Variants in MECOM observed in about 807,000 individuals in gnomAD.
MECOM encodes the protein MDS1 and EVI1 complex locus.
MECOM carries 13 observed loss-of-function variants against 116.3 expected under a neutral mutation model. The observed-to-expected ratio is 0.11, with a 90% CI of 0.07 to 0.18. The LOEUF (loss-of-function observed/expected upper bound fraction) is 0.18, where lower values mean the gene tolerates loss of function less well. Among genes scored for constraint, MECOM ranks in the 10% least tolerant of loss-of-function variants. MECOM has a pLI of 1.00. For missense variants in MECOM, 1,299 were observed against 1,509.0 expected, an observed-to-expected ratio of 0.86 and a Z score of 2.31; for synonymous variants, 528 against 535.2, an observed-to-expected ratio of 0.99 and a Z score of 0.19.
chr3:169,481,929 G>T (rs1751350754), intron 1 of MECOM, among the ~76,000 whole-genome samples: 1 of 152,098 alleles, frequency 6.6e-6, no homozygotes, highest in Non-Finnish European at 1.5e-5. Context: ...GTTTTCATTT[G>T]TTTCTTCTTT....
intron 2 of MECOM, among the ~76,000 whole-genome samples, chr3:169,205,584 C>T (rs967116526): frequency 6.6e-6 from 1 of 152,096 alleles, no homozygotes; most frequent in Non-Finnish European, 1.5e-5. Context: ...GAGACGTCAA[C>T]TCTAGGATGG....
chr3:169,443,699 T>C (rs1471833619), intron 1 of MECOM, among the ~76,000 whole-genome samples: 1 of 152,224 alleles, frequency 6.6e-6, no homozygotes, highest in Non-Finnish European at 1.5e-5. Flanking sequence ...CTCCTGTCAA[T>C]ACTCTTCCGC....
chr3:169,138,686 C>G (rs1022536065), intron 3 of MECOM, among the ~76,000 whole-genome samples: 1 of 152,052 alleles, frequency 6.6e-6, no homozygotes, highest in Non-Finnish European at 1.5e-5. Context: ...TGGACAGATA[C>G]CCTTGTAAAG....
intron 1 of MECOM, among the ~76,000 whole-genome samples, chr3:169,591,219 A>G (rs1342873060): frequency 1.3e-5 from 2 of 152,238 alleles, no homozygotes; most frequent in Non-Finnish European, 2.9e-5. Flanking sequence ...CTGGGAATCA[A>G]TAACAGAATC....
intron 2 of MECOM, among the ~76,000 whole-genome samples, chr3:169,366,424 G>A (rs950626695): frequency 1.3e-5 from 2 of 151,818 alleles, no homozygotes; most frequent in Non-Finnish European, 2.9e-5. Flanking sequence ...TTCAAAGCCA[G>A]GTAACCTGCT....
At chr3:169,432,017 T>C (rs1741722366) in intron 1 of MECOM, among the ~76,000 whole-genome samples, 1 of 152,194 alleles carries the variant, frequency 6.6e-6, no homozygotes, top group Middle Eastern at 3.4e-3. Context: ...TTTTTCACAT[T>C]GTGTTAGCCA....
chr3:169,309,341 C>A (rs1275273678), intron 2 of MECOM, among the ~76,000 whole-genome samples: 1 of 152,110 alleles, frequency 6.6e-6, no homozygotes, highest in Non-Finnish European at 1.5e-5. Flanking sequence ...ATATTTTTAT[C>A]TTATAAAAAT....
intron 1 of MECOM, among the ~76,000 whole-genome samples, chr3:169,571,365 T>C (rs996390996): frequency 1.3e-5 from 2 of 152,112 alleles, no homozygotes; most frequent in African/African-American, 4.8e-5. Context: ...TGGAAAAACA[T>C]TCCATGCTCA....
At chr3:169,278,980 A>C (rs1191891641) in intron 2 of MECOM, among the ~76,000 whole-genome samples, 1 of 152,262 alleles carries the variant, frequency 6.6e-6, no homozygotes, top group Non-Finnish European at 1.5e-5. Context: ...AGGCAGGCTC[A>C]GGAGTGCTTG....
chr3:169,489,580 A>G (rs1215772937), intron 1 of MECOM, among the ~76,000 whole-genome samples: 1 of 152,204 alleles, frequency 6.6e-6, no homozygotes, highest in Non-Finnish European at 1.5e-5. Flanking sequence ...CAAGGAACAA[A>G]CCTGCACATT....
chr3:169,287,910 C>G (rs1713676726), intron 2 of MECOM, among the ~76,000 whole-genome samples: 1 of 152,172 alleles, frequency 6.6e-6, no homozygotes, highest in Admixed American at 6.6e-5. Flanking sequence ...GGGCATGATT[C>G]TGACTAAATC....
intron 2 of MECOM, among the ~76,000 whole-genome samples, chr3:169,364,882 G>A (rs1315703070): frequency 2.0e-5 from 3 of 152,114 alleles, no homozygotes; most frequent in Non-Finnish European, 1.5e-5. Context: ...GGCATCTACC[G>A]TATTTAATGC....
At chr3:169,296,717 T>G (rs1281230610) in intron 2 of MECOM, among the ~76,000 whole-genome samples, 4 of 152,208 alleles carry the variant, frequency 2.6e-5, no homozygotes, top group Non-Finnish European at 5.9e-5. Flanking sequence ...AGGAATAGAC[T>G]TGGCACTTTT....
At chr3:169,391,869 G>T (rs895176005) in intron 1 of MECOM, among the ~76,000 whole-genome samples, 3 of 152,070 alleles carry the variant, frequency 2.0e-5, no homozygotes, top group African/African-American at 7.2e-5. Flanking sequence ...GTCTAATTGA[G>T]TCACACAGTC....
intron 3 of MECOM, 41 bp from the exon 4 acceptor site, chr3:169,131,572 A>G (rs1734718298): frequency 1.3e-6 from 2 of 1,489,690 alleles, no homozygotes; most frequent in Non-Finnish European, 1.8e-6. Flanking sequence ...CAGGAAAGAG[A>G]GAGATGTATA....
Position 169,524,729 on chromosome 3 carries a change from T to A in MECOM, c.37+138607A>T, listed in dbSNP as rs193267687. The stretch of plus-strand genomic sequence containing the variant: ...TTGCTCATGGCCTCTCTTGCTTTAA[T>A]TTGGACTATCTTTATTTCTAAATCC... On this transcript the variant is annotated intron_variant, in intron 1 of 16. Coordinates refer to ENST00000651503, the MANE Select transcript of MECOM (RefSeq NM_004991.4). 1.5e-3 allele frequency among the ~76,000 whole-genome samples: 227 copies of A among 152,338 alleles called. 2 individuals are homozygous for A. The highest frequency in any genetic ancestry group is 5.3e-3 in the African/African-American group (221 of 41,586).
chr3:169,209,152 C>G (rs940500399), intron 2 of MECOM, among the ~76,000 whole-genome samples: 1 of 152,116 alleles, frequency 6.6e-6, no homozygotes, highest in Admixed American at 6.6e-5. Context: ...GTGCAGAAAA[C>G]TGAAACTGGA....
In MECOM at chr3:169,143,718, C is replaced by A; in HGVS notation, c.490G>T (p.Ala164Ser). ...AGCYDQHNLV[A>S]CQINDQIFYR... ...CATACCTGATCATTTATCTGGCATG[C>A]AACAAGGTTGTGCTGATCATAACAG... Residue 164 changes from alanine (A) to serine (S), a missense_variant, in exon 3 of 17, where the codon GCA becomes TCA. Ala to Ser is a moderately conservative substitution (Grantham distance 99). Transcript: ENST00000651503. The A allele has an allele frequency of 1.2e-6, 2 of 1,604,468 alleles. No individual in the cohort carries two copies. The highest frequency in any genetic ancestry group is 1.7e-6 in the Non-Finnish European group (2 of 1,175,702).
chr3:169,535,145 C>G (rs2109179968), intron 1 of MECOM, among the ~76,000 whole-genome samples: 1 of 152,256 alleles, frequency 6.6e-6, no homozygotes, highest in East Asian at 1.9e-4. Context: ...CAGCCTGTAC[C>G]TTAACTAATA....
Sources: gnomAD v4.1 joint callset for allele counts (sites outside exome capture counted in the v4.1 genomes callset) on GRCh38, gnomAD v4.1.1 for gene constraint, MANE v1.5 for transcripts, NCBI Gene and HGNC (gene_info 2026-07-23, HGNC 2026-07-21) for gene names.